Variants in MOXD1 observed in about 807,000 individuals in gnomAD.
MOXD1 encodes monooxygenase DBH like 1.
In MOXD1, 62 loss-of-function variants were observed where a neutral mutation model predicts 66.6. The ratio of observed to expected loss-of-function variants is 0.93; its 90% confidence interval spans 0.76 to 1.15. The LOEUF is 1.15. Ranked by LOEUF, MOXD1 falls within the 50% of genes most tolerant of loss-of-function variation. The pLI is 0.00. For synonymous variants in MOXD1, 303 were observed against 281.9 expected (o/e 1.07, Z -0.75); for missense variants, 847 against 754.6 (o/e 1.12, Z -1.44).
chr6:132,401,124 G>A, intron 1 of MOXD1, 39 bp downstream of exon 1: 1 of 1,462,076 alleles, frequency 6.8e-7, no homozygotes. Context: ...GGACGGGACC[G>A]GGCTCGGCCG....
chr6:132,349,001 G>T (rs903757970), intron 4 of MOXD1, among the ~76,000 whole-genome samples: 1 of 151,514 alleles, frequency 6.6e-6, no homozygotes. Flanking sequence ...TTTTCCAAGG[G>T]TTACGGGGGC....
At chr6:132,304,918 T>A (rs1774652873) in intron 10 of MOXD1, among the ~76,000 whole-genome samples, 1 of 152,172 alleles carries the variant, frequency 6.6e-6, no homozygotes, top group African/African-American at 2.4e-5. Flanking sequence ...AATATATTAT[T>A]TTAAGAACAT....
rs140776411 is a variant in MOXD1 at position 132,394,738 on chromosome 6, G to A, written c.264+6425C>T. The stretch of plus-strand genomic sequence containing the variant: ...AAGCAAAAGAATCTCAGAACTTGAA[G>A]AGAGGTATTTTGAAATAACTCAGAC... On this transcript the variant is annotated intron_variant, in intron 1 of 11. Transcript: ENST00000367963. 2.6e-3 allele frequency among the ~76,000 whole-genome samples: 391 copies of A among 152,232 alleles called. 3 individuals carry two copies. The highest frequency in any genetic ancestry group is 9.0e-3 in the African/African-American group (374 of 41,554).
intron 10 of MOXD1, among the ~76,000 whole-genome samples, chr6:132,314,600 A>G (rs979330182): frequency 6.6e-6 from 1 of 152,072 alleles, no homozygotes; most frequent in Non-Finnish European, 1.5e-5. Flanking sequence ...CAAACACGGT[A>G]GGTTCAGACT....
At position 132,349,434 on chromosome 6, in the gene MOXD1, T is replaced by TATAC. The variant is rs1775748111; in HGVS notation, c.664-20841_664-20840insGTAT. Among the ~76,000 whole-genome samples, 8 of 32,086 alleles carry TATAC rather than the reference T, an allele frequency of 2.5e-4. 1 individual carries two copies. Among genetic ancestry groups the TATAC allele is most frequent in the African/African-American group, 9.2e-4 (6 of 6,506 alleles). 21.0% of individuals were successfully genotyped at this position (32,086 alleles called of 152,430 possible). A position where few individuals can be genotyped will look rare whatever the true frequency, so the allele number is the denominator to read the frequency against. The stretch of plus-strand genomic sequence containing the variant: ...ATATATATATATACATATATATATA[T>TATAC]ACATATATATATATATACATATATA... On this transcript the variant is annotated intron_variant, in intron 4 of 11. Coordinates refer to ENST00000367963, the MANE Select transcript of MOXD1 (RefSeq NM_015529.4).
chr6:132,373,134 G>T, intron 2 of MOXD1, 137 bp from the exon 3 acceptor site: 2 of 796,306 alleles, frequency 2.5e-6, no homozygotes, highest in South Asian at 3.5e-5. Flanking sequence ...TTATCAACAT[G>T]GTCTCTAATA....
intron 4 of MOXD1, among the ~76,000 whole-genome samples, chr6:132,360,669 GCTCT>G (rs1381008126): frequency 6.6e-6 from 1 of 152,116 alleles, no homozygotes; most frequent in East Asian, 1.9e-4. Context: ...AGCTTTGGGG[GCTCT>G]CTAATATTTA....
At chr6:132,320,956 C>A (rs1582568735) in intron 8 of MOXD1, among the ~76,000 whole-genome samples, 1 of 152,232 alleles carries the variant, frequency 6.6e-6, no homozygotes, top group East Asian at 1.9e-4. Context: ...TCATTTAAAA[C>A]CTAAAGATAA....
At chr6:132,355,601 T>G (rs1775895349) in intron 4 of MOXD1, among the ~76,000 whole-genome samples, 1 of 152,118 alleles carries the variant, frequency 6.6e-6, no homozygotes, top group Non-Finnish European at 1.5e-5. Flanking sequence ...CAAGATACTA[T>G]AAAGGAGAGC....
intron 4 of MOXD1, among the ~76,000 whole-genome samples, chr6:132,354,701 G>A (rs576651378): frequency 5.9e-5 from 9 of 152,286 alleles, no homozygotes; most frequent in East Asian, 3.9e-4. Context: ...GGTGGTGGGC[G>A]GGGCCCTAGA....
chr6:132,382,743 A>G (rs9373017), intron 1 of MOXD1, among the ~76,000 whole-genome samples: 19,484 of 152,200 alleles, frequency 0.13, 1,834 homozygotes, highest in East Asian at 0.45. Flanking sequence ...CAACAATAAC[A>G]GAAATTGCCA....
intron 4 of MOXD1, among the ~76,000 whole-genome samples, chr6:132,354,611 C>A: frequency 6.6e-6 from 1 of 152,188 alleles, no homozygotes. Flanking sequence ...ATTTAAAGTT[C>A]TATTTTTGTG....
chr6:132,401,372 C>G lies in MOXD1; in HGVS notation c.55G>C (p.Gly19Arg). The G allele has an allele frequency of 7.1e-6, 11 of 1,544,560 alleles. No individual in the cohort carries two copies. The highest frequency in any genetic ancestry group is 9.6e-6 in the Non-Finnish European group (11 of 1,151,274). Reference protein sequence around the residue: ...LWGLLPGTAAGGSGRTYPHRT... With the variant: ...LWGLLPGTAARGSGRTYPHRT... ...TGCGGATAGGTTCGGCCCGAGCCCCCCGCCGCCGTCCCGGGGAGCAGCCCC... is the reference window on the plus strand; with the variant it reads ...TGCGGATAGGTTCGGCCCGAGCCCCGCGCCGCCGTCCCGGGGAGCAGCCCC... Residue 19 changes from glycine (G) to arginine (R), a missense_variant, in exon 1 of 12, where the codon GGG becomes CGG. Physicochemically the swap from Gly to Arg is moderately radical, Grantham distance 125 (BLOSUM62 -2). Coordinates refer to ENST00000367963, the MANE Select transcript of MOXD1 (RefSeq NM_015529.4).
At chr6:132,399,705 C>T (rs1041714788) in intron 1 of MOXD1, among the ~76,000 whole-genome samples, 12 of 152,148 alleles carry the variant, frequency 7.9e-5, no homozygotes, top group African/African-American at 2.9e-4. Flanking sequence ...AAGAGTTATG[C>T]TCCCTTTTGT....
At position 132,296,450 on chromosome 6, in the gene MOXD1, A is replaced by G. The variant is rs1774401254; in HGVS notation, c.*703T>C. On this transcript the variant is annotated 3_prime_UTR_variant, in exon 12 of 12. Coordinates refer to ENST00000367963, the MANE Select transcript of MOXD1 (RefSeq NM_015529.4). ...TACATACCATTTCTATGTTTCCCATAGCCTCTTTCTTTTCAGATAGTGACA... is the reference window on the plus strand; with the variant it reads ...TACATACCATTTCTATGTTTCCCATGGCCTCTTTCTTTTCAGATAGTGACA... 6.6e-6 allele frequency: 1 copy of G among 152,112 alleles called. No individual in the cohort carries two copies. The highest frequency in any genetic ancestry group is 2.4e-5 in the African/African-American group (1 of 41,404). 9.4% of individuals were successfully genotyped at this position (152,112 alleles called of 1,614,324 possible). A position where few individuals can be genotyped will look rare whatever the true frequency, so the allele number is the denominator to read the frequency against.
intron 4 of MOXD1, among the ~76,000 whole-genome samples, chr6:132,347,944 C>G (rs1775700241): frequency 6.6e-6 from 1 of 151,472 alleles, no homozygotes; most frequent in African/African-American, 2.4e-5. Flanking sequence ...TTAAAAAGTT[C>G]TCATTTATAG....
At position 132,328,547 on chromosome 6, in the gene MOXD1, G is replaced by A; in HGVS notation, c.711C>T (p.Ile237=). ...AGTTGTTGCTGCACTGATAGAGCAG[G>A]ATGTGGTGCACCAGACTCTCATGGC... is the stretch of plus-strand genomic sequence containing the variant. The part of the protein sequence containing the change: ...QRGHESLVHH[I]LLYQCSNNFN... Residue 237 remains isoleucine (I), a synonymous_variant, in exon 5 of 12, where the codon ATC becomes ATT. Coordinates refer to ENST00000367963, the MANE Select transcript of MOXD1 (RefSeq NM_015529.4). 1 of 1,614,076 alleles carries A rather than the reference G, an allele frequency of 6.2e-7. No homozygotes were observed. Among genetic ancestry groups the A allele is most frequent in the Non-Finnish European group, 8.5e-7 (1 of 1,179,992 alleles).
At chr6:132,340,076 G>A (rs769351026) in intron 4 of MOXD1, among the ~76,000 whole-genome samples, 106 of 152,110 alleles carry the variant, frequency 7.0e-4, no homozygotes, top group Non-Finnish European at 6.9e-4. Context: ...CACCGTGTTG[G>A]CCAGGCTGGT....
At chr6:132,318,418 G>A (rs1450602049) in intron 9 of MOXD1, among the ~76,000 whole-genome samples, 2 of 151,820 alleles carry the variant, frequency 1.3e-5, no homozygotes, top group Non-Finnish European at 2.9e-5. Flanking sequence ...GTTTATATTT[G>A]GTTTTAAACA....
Sources: gnomAD v4.1 joint callset for allele counts (sites outside exome capture counted in the v4.1 genomes callset) on GRCh38, gnomAD v4.1.1 for gene constraint, MANE v1.5 for transcripts, NCBI Gene and HGNC (gene_info 2026-07-23, HGNC 2026-07-21) for gene names.